ATP8B4: variants seen among roughly 807,000 people sequenced by gnomAD.
ATP8B4 encodes the protein probable phospholipid-transporting ATPase IM.
Under a neutral mutation model 145.6 loss-of-function variants are expected in ATP8B4, and 133 were observed. The ratio of observed to expected loss-of-function variants is 0.91; its 90% CI spans 0.79 to 1.05. ATP8B4 has a LOEUF of 1.05. Ranked by LOEUF, ATP8B4 falls within the 50% of genes least tolerant of loss-of-function variation. The probability of loss-of-function intolerance (pLI) is 0.00; values close to 1 mark genes in which losing one functional copy is unlikely to be tolerated. For synonymous variants in ATP8B4, 507 were observed against 492.9 expected (o/e 1.03, Z -0.38); for missense variants, 1,458 against 1,425.2 (o/e 1.02, Z -0.37).
chr15:49,909,565 C>A (rs982730502), intron 20 of ATP8B4, among the ~76,000 whole-genome samples: 1 of 151,760 alleles, frequency 6.6e-6, no homozygotes, highest in Non-Finnish European at 1.5e-5. Flanking sequence ...ACCCTTGGAC[C>A]CAAAGACAGG....
intron 21 of ATP8B4, among the ~76,000 whole-genome samples, chr15:49,900,229 G>A (rs2037870245): frequency 1.3e-5 from 2 of 152,148 alleles, no homozygotes; most frequent in South Asian, 2.1e-4. Context: ...ATTATGTCTG[G>A]AATCCAGCTG....
chr15:50,178,394 T>G (rs557323869), intron 1 of ATP8B4, among the ~76,000 whole-genome samples: 2 of 152,248 alleles, frequency 1.3e-5, no homozygotes, highest in African/African-American at 4.8e-5. Flanking sequence ...GAATTTATGT[T>G]ACTGAATAGA....
chr15:50,114,224 T>A (rs1163512306), intron 1 of ATP8B4, among the ~76,000 whole-genome samples: 1 of 149,330 alleles, frequency 6.7e-6, no homozygotes, highest in Non-Finnish European at 1.5e-5. Flanking sequence ...ATGAGTAGTA[T>A]ACACTGCACC....
At chr15:50,086,229 T>G (rs2055044775) in intron 2 of ATP8B4, among the ~76,000 whole-genome samples, 1 of 105,898 alleles carries the variant, frequency 9.4e-6, no homozygotes, top group Non-Finnish European at 1.7e-5. Context: ...ATTTATTATA[T>G]ATAATAAAAT....
intron 6 of ATP8B4, among the ~76,000 whole-genome samples, chr15:50,023,779 C>CAAAAAAAAAAAAAAAAAAAAAAAAA (rs60030651): frequency 5.3e-5 from 4 of 75,058 alleles, no homozygotes; most frequent in Admixed American, 1.5e-4. Context: ...AGACCAAAGG[C>CAAAAAAAAAAAAAAAAAAAAAAAAA]AAAAAAAAAA....
chr15:49,918,268 T>G (rs1373708944), intron 19 of ATP8B4, among the ~76,000 whole-genome samples: 1 of 152,258 alleles, frequency 6.6e-6, no homozygotes, highest in Non-Finnish European at 1.5e-5. Context: ...CAATGAATTC[T>G]CACTGTACCT....
intron 1 of ATP8B4, among the ~76,000 whole-genome samples, chr15:50,128,972 GCAGAAGAATCA>G (rs1170099894): frequency 6.6e-6 from 1 of 152,204 alleles, no homozygotes; most frequent in Non-Finnish European, 1.5e-5. Flanking sequence ...GGAGGCTGAG[GCAGAAGAATCA>G]CTTGAACCCG....
chr15:49,912,552 C>G (rs2039337946), intron 20 of ATP8B4, among the ~76,000 whole-genome samples: 1 of 151,982 alleles, frequency 6.6e-6, no homozygotes, highest in African/African-American at 2.4e-5. Flanking sequence ...AAGAAAAACC[C>G]AGAATTGGAT....
chr15:49,860,707 A>G lies in ATP8B4; in HGVS notation c.3298-232T>C, dbSNP rs149314121. Among the ~76,000 whole-genome samples the G allele has an allele frequency of 3.3e-4, 51 of 152,306 alleles. No homozygotes were observed. The East Asian group carries it at 8.1e-3, about 24-fold the overall frequency. On this transcript the variant is annotated intron_variant, in intron 27 of 27. Transcript: ENST00000284509. ...ATTAAGTAATTAAGAAATATCAGAC[A>G]AATTTCATTATTGTCTCTCATGTAT...
At chr15:50,181,334 G>GA (rs1245084154) in intron 1 of ATP8B4, among the ~76,000 whole-genome samples, 2 of 152,322 alleles carry the variant, frequency 1.3e-5, no homozygotes, top group African/African-American at 4.8e-5. Flanking sequence ...CAAATTAAAA[G>GA]AAAGGTTCAC....
intron 21 of ATP8B4, among the ~76,000 whole-genome samples, chr15:49,899,938 G>T (rs1167081297): frequency 6.6e-6 from 1 of 152,064 alleles, no homozygotes; most frequent in East Asian, 1.9e-4. Context: ...GAGAGAGAAT[G>T]GTATAAATTA....
At chr15:50,013,078 C>T (rs2048835019) in intron 6 of ATP8B4, among the ~76,000 whole-genome samples, 1 of 152,104 alleles carries the variant, frequency 6.6e-6, no homozygotes, top group African/African-American at 2.4e-5. Context: ...CCTACAACCA[C>T]CACCACTGAC....
chr15:49,866,611 C>T (rs558996250), intron 25 of ATP8B4, 127 bp from the exon 26 acceptor site: 51 of 1,065,770 alleles, frequency 4.8e-5, no homozygotes, highest in South Asian at 1.2e-4. Flanking sequence ...CCAAGCCAAC[C>T]GCGGGCATCC....
intron 24 of ATP8B4, among the ~76,000 whole-genome samples, chr15:49,877,796 T>C (rs2034714286): frequency 6.6e-6 from 1 of 152,182 alleles, no homozygotes; most frequent in East Asian, 1.9e-4. Flanking sequence ...TCTTGCCACA[T>C]CGTAAGTAAT....
intron 6 of ATP8B4, among the ~76,000 whole-genome samples, chr15:50,014,391 G>C (rs2048939032): frequency 6.6e-6 from 1 of 152,134 alleles, no homozygotes; most frequent in African/African-American, 2.4e-5. Flanking sequence ...CACTCAGTAA[G>C]TATGCAGTGA....
chr15:50,034,282 G>A (rs2050671068), intron 6 of ATP8B4, among the ~76,000 whole-genome samples: 1 of 147,714 alleles, frequency 6.8e-6, no homozygotes, highest in Non-Finnish European at 1.5e-5. Context: ...CCAGGCTGGA[G>A]TGCAATGGCA....
intron 20 of ATP8B4, among the ~76,000 whole-genome samples, chr15:49,911,796 A>C (rs1490844483): frequency 6.6e-6 from 1 of 152,154 alleles, no homozygotes; most frequent in Non-Finnish European, 1.5e-5. Flanking sequence ...CCTCAAAATC[A>C]GTCTCAACAA....
Position 50,047,371 on chromosome 15 carries a change from G to A in ATP8B4, c.181C>T (p.Leu61Phe). The change falls in exon 4 of 28, where the codon CTT becomes TTT. Residue 61 changes from leucine (L) to phenylalanine (F), a missense_variant. Physicochemically the swap from Leu to Phe is conservative, Grantham distance 22. Transcript: ENST00000284509. ...QFQRVANAYF[L>F]CLLILQLIPE... is the part of the protein sequence containing the mutation. ...ATTACCTGTAAAATCAGAAGGCAAA[G>A]AAAATAGGCATTTGCCACTCTTTGG... 3.2e-6 allele frequency: 5 copies of A among 1,577,116 alleles called. No homozygotes were observed. Among genetic ancestry groups the A allele is most frequent in the Non-Finnish European group, 4.4e-6 (5 of 1,146,766 alleles).
chr15:50,179,424 C>T lies in ATP8B4; in HGVS notation c.-43+2837G>A, dbSNP rs1386122684. On this transcript the variant is annotated intron_variant, in intron 1 of 3. Transcript: ENST00000558829. The stretch of plus-strand genomic sequence containing the variant: ...GCCAGGTATGTTCTAGTATGCTGTA[C>T]AAGTACAACTGTCTATAGATGTCAT... 1.3e-5 allele frequency among the ~76,000 whole-genome samples: 2 copies of T among 151,984 alleles called. 1 individual carries two copies. The highest frequency in any genetic ancestry group is 4.2e-4 in the South Asian group (2 of 4,816).
Sources: allele counts gnomAD v4.1 joint callset (sites outside exome capture counted in the v4.1 genomes callset), GRCh38; gene constraint gnomAD v4.1.1; transcripts MANE v1.5; gene names NCBI Gene and HGNC (gene_info 2026-07-23, HGNC 2026-07-21).